TTLL5: variants seen among roughly 807,000 people sequenced by gnomAD.
TTLL5 encodes the protein tubulin polyglutamylase TTLL5.
In TTLL5, 132 loss-of-function variants were observed where a neutral mutation model predicts 168.4. That is an observed-to-expected ratio of 0.78 (90% CI 0.68 to 0.91). The LOEUF is 0.91. TTLL5 is among the 40% of genes least tolerant of loss of function. The probability of loss-of-function intolerance (pLI) is 0.00; values close to 1 mark genes in which losing one functional copy is unlikely to be tolerated. For missense variants in TTLL5, 1,545 were observed against 1,581.5 expected, an observed-to-expected ratio of 0.98 and a Z score of 0.39; for synonymous variants, 546 against 558.6, an observed-to-expected ratio of 0.98 and a Z score of 0.32.
At chr14:75,768,551 T>C (rs537413666) in intron 20 of TTLL5, among the ~76,000 whole-genome samples, 1 of 151,526 alleles carries the variant, frequency 6.6e-6, no homozygotes, top group Admixed American at 6.6e-5. Context: ...AGGGGAAGGA[T>C]TTGAGGATAA....
intron 3 of TTLL5, among the ~76,000 whole-genome samples, chr14:75,679,439 G>C (rs1884432453): frequency 6.6e-6 from 1 of 152,206 alleles, no homozygotes; most frequent in African/African-American, 2.4e-5. Context: ...TTTTAGCCTG[G>C]TGAGACCTGT....
intron 29 of TTLL5, among the ~76,000 whole-genome samples, chr14:75,873,339 G>A (rs1178565013): frequency 6.6e-6 from 1 of 152,180 alleles, no homozygotes; most frequent in Non-Finnish European, 1.5e-5. Context: ...CTCCCAAAGT[G>A]CTGGGATTAC....
intron 20 of TTLL5, among the ~76,000 whole-genome samples, chr14:75,771,332 C>T (rs1199769671): frequency 6.6e-6 from 1 of 152,092 alleles, no homozygotes; most frequent in Admixed American, 6.5e-5. Flanking sequence ...GTGGCTGAGG[C>T]ACAAGAATCA....
intron 2 of TTLL5, among the ~76,000 whole-genome samples, chr14:75,663,720 TG>T (rs1383112048): frequency 1.3e-5 from 2 of 152,206 alleles, no homozygotes; most frequent in Admixed American, 1.3e-4. Flanking sequence ...TTGTGTCCAT[TG>T]ACCCACACTG....
intron 7 of TTLL5, among the ~76,000 whole-genome samples, chr14:75,704,425 A>C (rs116700734): frequency 6.6e-6 from 1 of 151,952 alleles, no homozygotes; most frequent in South Asian, 2.1e-4. Context: ...TGTAATCCCA[A>C]CTACTGGGGA....
intron 18 of TTLL5, among the ~76,000 whole-genome samples, chr14:75,763,968 A>G (rs532372996): frequency 1.1e-4 from 17 of 152,170 alleles, no homozygotes; most frequent in African/African-American, 3.9e-4. Context: ...CTTCTCCTGT[A>G]TATAATCAGG....
chr14:75,683,202 G>A (rs911792142), intron 4 of TTLL5, among the ~76,000 whole-genome samples: 2 of 152,176 alleles, frequency 1.3e-5, no homozygotes. Context: ...ATTCTAAGTC[G>A]GTTTGCTACT....
chr14:75,764,513 C>A, intron 18 of TTLL5, 102 bp from the exon 19 acceptor site: 1 of 1,367,046 alleles, frequency 7.3e-7, no homozygotes, highest in Non-Finnish European at 1.0e-6. Context: ...CTTGAGTTAC[C>A]ATGTCCAGTA....
chr14:75,834,277 T>C (rs1267362369), intron 28 of TTLL5, among the ~76,000 whole-genome samples: 3 of 152,098 alleles, frequency 2.0e-5, no homozygotes, highest in Admixed American at 2.0e-4. Flanking sequence ...AAGTGCAGTG[T>C]TGTGGGAGCA....
chr14:75,707,819 C>A (rs1886768185), intron 9 of TTLL5, 112 bp downstream of exon 9: 7 of 917,314 alleles, frequency 7.6e-6, no homozygotes, highest in Non-Finnish European at 1.2e-5. Flanking sequence ...TTTTACTTGT[C>A]ATTACTGCTT....
At chr14:75,750,256 G>A (rs1889865457) in intron 17 of TTLL5, among the ~76,000 whole-genome samples, 1 of 151,882 alleles carries the variant, frequency 6.6e-6, no homozygotes, top group Non-Finnish European at 1.5e-5. Context: ...GGAAGGCTTT[G>A]TACAGCAGGG....
intron 28 of TTLL5, among the ~76,000 whole-genome samples, chr14:75,859,605 G>C (rs996383466): frequency 2.0e-5 from 3 of 152,100 alleles, no homozygotes; most frequent in Admixed American, 2.0e-4. Flanking sequence ...TTAGCATTGA[G>C]CAAGGAAAAA....
At chr14:75,816,227 C>T (rs772915307) in intron 27 of TTLL5, among the ~76,000 whole-genome samples, 2 of 152,208 alleles carry the variant, frequency 1.3e-5, no homozygotes, top group African/African-American at 2.4e-5. Flanking sequence ...TCAGGGGTTA[C>T]CAGCCTGGCC....
intron 9 of TTLL5, among the ~76,000 whole-genome samples, chr14:75,708,350 T>C (rs1886798882): frequency 6.6e-6 from 1 of 152,000 alleles, no homozygotes; most frequent in Admixed American, 6.6e-5. Flanking sequence ...TGTTCTCTTT[T>C]TGTTAAGGTG....
At chr14:75,942,423 G>A (rs1397188647) in intron 31 of TTLL5, among the ~76,000 whole-genome samples, 1 of 152,144 alleles carries the variant, frequency 6.6e-6, no homozygotes. Flanking sequence ...CAAAATGCTG[G>A]GTGCCCTGGG....
At chr14:75,858,836 C>T (rs955888155) in intron 28 of TTLL5, among the ~76,000 whole-genome samples, 2 of 152,124 alleles carry the variant, frequency 1.3e-5, no homozygotes, top group African/African-American at 4.8e-5. Flanking sequence ...CCTTCATGGC[C>T]TTATAGTGTT....
chr14:75,770,798 G>T (rs962649589), intron 20 of TTLL5, among the ~76,000 whole-genome samples: 6 of 152,196 alleles, frequency 3.9e-5, no homozygotes, highest in Admixed American at 2.6e-4. Flanking sequence ...ATCTGGGCTT[G>T]TCCTGCCTGG....
At chr14:75,778,185 TGTG>T (rs1165854225) in intron 23 of TTLL5, among the ~76,000 whole-genome samples, 1 of 152,190 alleles carries the variant, frequency 6.6e-6, no homozygotes, top group Non-Finnish European at 1.5e-5. Flanking sequence ...ATTATATAGA[TGTG>T]GAGATAAAAT....
At chr14:75,932,766 G>C (rs1030631735) in intron 31 of TTLL5, among the ~76,000 whole-genome samples, 1 of 151,692 alleles carries the variant, frequency 6.6e-6, no homozygotes, top group South Asian at 2.1e-4. Flanking sequence ...TTTAATGCCT[G>C]TGTGTGTGTG....
Sources: gnomAD v4.1 joint callset for allele counts (sites outside exome capture counted in the v4.1 genomes callset) on GRCh38, gnomAD v4.1.1 for gene constraint, MANE v1.5 for transcripts, NCBI Gene and HGNC (gene_info 2026-07-23, HGNC 2026-07-21) for gene names.